The following MYDGF variants were observed in gnomAD, a reference collection of about 807,000 sequenced individuals.
MYDGF encodes myeloid-derived growth factor.
A neutral mutation model predicts 24.2 loss-of-function variants in MYDGF; 29 were observed. That is an observed-to-expected ratio of 1.20 (90% CI 0.89 to 1.63). The LOEUF (loss-of-function observed/expected upper bound fraction) is 1.63, where lower values mean the gene tolerates loss of function less well. Among genes scored for constraint, MYDGF ranks in the 40% most tolerant of loss-of-function variants. MYDGF has a pLI of 0.00. For missense variants in MYDGF, 245 were observed against 234.8 expected, an observed-to-expected ratio of 1.04 and a Z score of -0.29; for synonymous variants, 105 against 102.5, an observed-to-expected ratio of 1.02 and a Z score of -0.15.
chr19:4,660,583 T>C, intron 4 of MYDGF, 86 bp downstream of exon 4: 3 of 1,275,444 alleles, frequency 2.4e-6, no homozygotes, highest in South Asian at 1.2e-5. Context: ...CCTGTCCCCA[T>C]GGAGCCCTCT....
Position 4,669,212 on chromosome 19 carries a change from G to A in MYDGF, c.175-567C>T, listed in dbSNP as rs375599142. 5.3e-5 allele frequency among the ~76,000 whole-genome samples: 8 copies of A among 152,206 alleles called. 1 individual carries two copies. In the East Asian group the frequency reaches 1.2e-3, roughly 22 times the overall value. On this transcript the variant is annotated intron_variant, in intron 1 of 5. Transcript: ENST00000262947. The stretch of plus-strand genomic sequence containing the variant: ...AAACTGGCCTGGCACAGTGGCTCAC[G>A]CCTGTAATCCCATCACTTTGGGAGG...
intron 3 of MYDGF, among the ~76,000 whole-genome samples, chr19:4,662,883 C>A (rs919071568): frequency 6.6e-6 from 1 of 151,984 alleles, no homozygotes; most frequent in Non-Finnish European, 1.5e-5. Context: ...CAGACCTGCA[C>A]CAGCTCCGCC....
At position 4,657,747 on chromosome 19, in the gene MYDGF, G is replaced by A. The variant is rs919139596; in HGVS notation, c.*258C>T. The A allele has an allele frequency of 5.7e-5, 19 of 331,514 alleles. No individual in the cohort carries two copies. The highest frequency in any genetic ancestry group is 8.9e-5 in the Non-Finnish European group (16 of 179,352). 20.5% of individuals were successfully genotyped at this position (331,514 alleles called of 1,614,324 possible). Reference sequence around the variant, plus strand: ...CCCACCCTCTTTGTGCCCCGGATCTGCGATCCTGAGTCCAGAAGAGCTCAG... The same window carrying A: ...CCCACCCTCTTTGTGCCCCGGATCTACGATCCTGAGTCCAGAAGAGCTCAG... On this transcript the variant is annotated 3_prime_UTR_variant, in exon 6 of 6. Transcript: ENST00000262947.
rs568964107 is a variant in MYDGF at position 4,663,024 on chromosome 19, C to T, written c.287+1852G>A. ...CACAGCCTCCAGTCTGTGCCTTCCCCTCCCACTCCGTCCTCATTCTACAGC... is the reference window on the plus strand; with the variant it reads ...CACAGCCTCCAGTCTGTGCCTTCCCTTCCCACTCCGTCCTCATTCTACAGC... On this transcript the variant is annotated intron_variant, in intron 3 of 5. Transcript: ENST00000262947. 3.0e-3 allele frequency among the ~76,000 whole-genome samples: 450 copies of T among 151,768 alleles called. 3 individuals are homozygous for T. Among genetic ancestry groups the T allele is most frequent in the African/African-American group, 0.01 (415 of 41,336 alleles).
intron 3 of MYDGF, among the ~76,000 whole-genome samples, chr19:4,663,555 A>T (rs919516934): frequency 6.5e-4 from 1 of 1,532 alleles, no homozygotes; most frequent in African/African-American, 2.3e-3. Context: ...TATCCTCCCC[A>T]CCCACCCCAC....
chr19:4,661,452 A>C (rs2088470356), intron 3 of MYDGF, among the ~76,000 whole-genome samples: 1 of 152,198 alleles, frequency 6.6e-6, no homozygotes, highest in Admixed American at 6.5e-5. Context: ...GGCTTCTCAG[A>C]GGGCATTGAC....
chr19:4,665,078 C>T (rs375663079), intron 2 of MYDGF, 141 bp from the exon 3 acceptor site: 18 of 879,310 alleles, frequency 2.0e-5, no homozygotes, highest in East Asian at 2.0e-4. Flanking sequence ...CCCTGCCCCG[C>T]CCTCCTGGTG....
rs73920114 is a variant in MYDGF, at chr19:4,668,298, T to C, written c.225+297A>G. On this transcript the variant is annotated intron_variant, in intron 2 of 5. Coordinates refer to ENST00000262947, the MANE Select transcript of MYDGF (RefSeq NM_019107.4). ...GCTGTTTTAAGCCCCTAAGCTGTGATAACTTGTTGCACTGCACATAAAATA... is the reference window on the plus strand; with the variant it reads ...GCTGTTTTAAGCCCCTAAGCTGTGACAACTTGTTGCACTGCACATAAAATA... Among the ~76,000 whole-genome samples, 747 of 152,330 alleles carry C rather than the reference T, an allele frequency of 4.9e-3. 7 individuals are homozygous for C. Among genetic ancestry groups the C allele is most frequent in the African/African-American group, 0.017 (725 of 41,574 alleles).
chr19:4,661,981 C>T (rs372993240), intron 3 of MYDGF, among the ~76,000 whole-genome samples: 2 of 152,154 alleles, frequency 1.3e-5, no homozygotes, highest in Non-Finnish European at 2.9e-5. Context: ...CGATGGCGAC[C>T]GTGGGCTTCC....
chr19:4,668,420 G>C (rs1318726600), intron 2 of MYDGF, among the ~76,000 whole-genome samples, 175 bp downstream of exon 2: 5 of 152,188 alleles, frequency 3.3e-5, no homozygotes, highest in African/African-American at 9.6e-5. Flanking sequence ...AATAACAGCA[G>C]AATCTGTCGT....
intron 2 of MYDGF, 139 bp from the exon 3 acceptor site, chr19:4,665,076 C>T (rs951816384): frequency 6.7e-6 from 6 of 899,020 alleles, no homozygotes; most frequent in African/African-American, 3.3e-5. Flanking sequence ...TCCCCTGCCC[C>T]GCCCTCCTGG....
intron 5 of MYDGF, chr19:4,659,633 G>GT: frequency 6.1e-6 from 3 of 491,554 alleles, no homozygotes; most frequent in East Asian, 2.9e-5. Context: ...AGCAGCTGCG[G>GT]TAACAGGCAT....
chr19:4,667,302 G>C (rs2088529578), intron 2 of MYDGF, among the ~76,000 whole-genome samples: 2 of 151,890 alleles, frequency 1.3e-5, no homozygotes, highest in East Asian at 1.9e-4. Flanking sequence ...CTAATTTTTT[G>C]TATTTTTAGT....
intron 1 of MYDGF, among the ~76,000 whole-genome samples, chr19:4,669,010 A>C (rs188898864): frequency 6.6e-6 from 1 of 152,072 alleles, no homozygotes; most frequent in African/African-American, 2.4e-5. Context: ...CACCTGGCTA[A>C]TTTTTCGTAT....
intron 3 of MYDGF, among the ~76,000 whole-genome samples, chr19:4,662,259 C>G (rs1323924141): frequency 6.6e-6 from 1 of 152,238 alleles, no homozygotes; most frequent in African/African-American, 2.4e-5. Context: ...CATTTGTCAA[C>G]GTGCTTTAAC....
At chr19:4,667,460 C>G (rs935068471) in intron 2 of MYDGF, among the ~76,000 whole-genome samples, 1 of 152,072 alleles carries the variant, frequency 6.6e-6, no homozygotes, top group Non-Finnish European at 1.5e-5. Flanking sequence ...TTAGTAGAGA[C>G]GGGGTTTCAC....
Position 4,668,609 on chromosome 19 carries a change from C to T in MYDGF, c.211G>A (p.Gly71Arg). 6.2e-7 allele frequency: 1 copy of T among 1,613,110 alleles called. No individual in the cohort carries two copies. The highest frequency in any genetic ancestry group is 8.5e-7 in the Non-Finnish European group (1 of 1,179,320). ...YTCMFTYASQGGTNEQWQMSL... is the reference protein window; with the variant it reads ...YTCMFTYASQRGTNEQWQMSL... ...GAACAACTCACCTCATTGGTCCCTC[C>T]TTGAGAGGCGTAAGTGAACATACAC... The change falls in exon 2 of 6, where the codon GGA becomes AGA. Residue 71 changes from glycine (G) to arginine (R), a missense_variant. Gly to Arg is a moderately radical substitution (Grantham distance 125). Coordinates refer to ENST00000262947, the MANE Select transcript of MYDGF (RefSeq NM_019107.4).
At chr19:4,670,057 A>C (rs1178109953) in intron 1 of MYDGF, 104 bp downstream of exon 1, 20 of 1,249,336 alleles carry the variant, frequency 1.6e-5, no homozygotes, top group South Asian at 4.0e-5. Context: ...TTCAGTACCC[A>C]CCTCCGCGGT....
chr19:4,659,780 T>A (rs772069509), intron 5 of MYDGF, 151 bp downstream of exon 5: 1 of 697,338 alleles, frequency 1.4e-6, no homozygotes, highest in South Asian at 1.6e-5. Context: ...GCTGAAGATA[T>A]TGACGAGGTG....
Sources: allele counts gnomAD v4.1 joint callset (sites outside exome capture counted in the v4.1 genomes callset), GRCh38; gene constraint gnomAD v4.1.1; transcripts MANE v1.5; gene names NCBI Gene and HGNC (gene_info 2026-07-23, HGNC 2026-07-21).